The following SMCHD1 variants were observed in gnomAD, a reference collection of about 807,000 sequenced individuals.
The protein encoded by SMCHD1 is structural maintenance of chromosomes flexible hinge domain-containing protein 1.
A neutral mutation model predicts 254.7 loss-of-function variants in SMCHD1; 78 were observed. That is an observed-to-expected ratio of 0.31 (90% CI 0.26 to 0.37). The LOEUF is 0.37. Ranked by LOEUF, SMCHD1 falls within the 10% of genes least tolerant of loss-of-function variation. SMCHD1 has a pLI of 1.00. For synonymous variants in SMCHD1, 766 were observed against 794.9 expected (o/e 0.96, Z 0.61); for missense variants, 1,840 against 2,408.1 (o/e 0.76, Z 4.94).
chr18:2,733,043 A>C (rs1022763212), intron 25 of SMCHD1, among the ~76,000 whole-genome samples: 1 of 152,212 alleles, frequency 6.6e-6, no homozygotes, highest in Non-Finnish European at 1.5e-5. Flanking sequence ...GCATGTTGAA[A>C]CTTAACACCT....
At chr18:2,785,463 A>G (rs1238516446) in intron 45 of SMCHD1, among the ~76,000 whole-genome samples, 2 of 151,878 alleles carry the variant, frequency 1.3e-5, no homozygotes. Flanking sequence ...CTTGGCTAAC[A>G]CAGTGAAACC....
At chr18:2,706,504 A>T in intron 15 of SMCHD1, 34 bp downstream of exon 15, 1 of 1,432,532 alleles carries the variant, frequency 7.0e-7, no homozygotes, top group Non-Finnish European at 9.6e-7. Context: ...GACAAAAATA[A>T]GAAAAATTGG....
At chr18:2,687,717 T>C (rs1429229403) in intron 5 of SMCHD1, among the ~76,000 whole-genome samples, 2 of 152,224 alleles carry the variant, frequency 1.3e-5, no homozygotes, top group East Asian at 1.9e-4. Context: ...AACGCCACTT[T>C]GATATTTTCA....
At chr18:2,754,474 T>C (rs2075635494) in intron 34 of SMCHD1, among the ~76,000 whole-genome samples, 1 of 152,112 alleles carries the variant, frequency 6.6e-6, no homozygotes, top group Non-Finnish European at 1.5e-5. Flanking sequence ...AGTCACAGAG[T>C]ATGTGCTTAA....
intron 43 of SMCHD1, 107 bp downstream of exon 43, chr18:2,778,022 C>A: frequency 4.0e-6 from 4 of 1,007,174 alleles, no homozygotes; most frequent in South Asian, 3.5e-5. Flanking sequence ...GCTTATCAGT[C>A]ATAGTTTTAT....
chr18:2,678,208 C>T (rs1486719550), intron 5 of SMCHD1, among the ~76,000 whole-genome samples: 2 of 40,672 alleles, frequency 4.9e-5, no homozygotes, highest in Non-Finnish European at 2.1e-4. Flanking sequence ...TCTTTTCTTT[C>T]TTTTCTTTCT....
Position 2,703,909 on chromosome 18 carries a change from T to C in SMCHD1, c.1842+23T>C, listed in dbSNP as rs2074457289. On this transcript the variant is annotated intron_variant, in intron 13 of 47. Transcript: ENST00000320876. ...CTGGTAGGTTTAACTTATTGTCACTTTTTTCTTATAATTTTTAATTTAATT... is the reference window on the plus strand; with the variant it reads ...CTGGTAGGTTTAACTTATTGTCACTCTTTTCTTATAATTTTTAATTTAATT... 4 of 1,497,400 alleles carry C rather than the reference T, an allele frequency of 2.7e-6. No homozygotes were observed. In the African/African-American group the frequency reaches 4.3e-5, roughly 16 times the overall value. The allele number at this position is 1,497,400 out of a possible 1,614,324, so 92.8% of individuals were successfully genotyped here. A position where few individuals can be genotyped will look rare whatever the true frequency, so the allele number is the denominator to read the frequency against.
intron 24 of SMCHD1, among the ~76,000 whole-genome samples, chr18:2,730,406 G>A (rs149013711): frequency 0.027 from 4,149 of 152,148 alleles, 76 homozygotes; most frequent in Middle Eastern, 0.11. Context: ...TCCTGAGCTC[G>A]TGATCCACCC....
At chr18:2,781,915 C>T (rs887762643) in intron 44 of SMCHD1, among the ~76,000 whole-genome samples, 32 of 151,904 alleles carry the variant, frequency 2.1e-4, no homozygotes, top group African/African-American at 7.7e-4. Context: ...AAGAGGAGAG[C>T]GTTTATAAAA....
Position 2,674,236 on chromosome 18 carries a change from T to C in SMCHD1, c.638+91T>C, listed in dbSNP as rs1013785474. 5.7e-5 allele frequency: 60 copies of C among 1,053,218 alleles called. 1 individual carries two copies. The highest frequency in any genetic ancestry group is 7.5e-5 in the Non-Finnish European group (57 of 755,048). The allele number at this position is 1,053,218 out of a possible 1,614,324, so 65.2% of individuals were successfully genotyped here. A position where few individuals can be genotyped will look rare whatever the true frequency, so the allele number is the denominator to read the frequency against. ...TATGCCTTTGGATGCATATGATACA[T>C]TGGAGGTTTTACTGTTATTCACATA... On this transcript the variant is annotated intron_variant, in intron 5 of 47. Coordinates refer to ENST00000320876, the MANE Select transcript of SMCHD1 (RefSeq NM_015295.3).
chr18:2,708,124 A>AT (rs1445341310), intron 17 of SMCHD1, among the ~76,000 whole-genome samples: 1 of 152,132 alleles, frequency 6.6e-6, no homozygotes, highest in South Asian at 2.1e-4. Context: ...TTCATCTTGA[A>AT]TTTTTTCATG....
chr18:2,656,791 G>C (rs628228), intron 1 of SMCHD1, among the ~76,000 whole-genome samples: 2 of 152,208 alleles, frequency 1.3e-5, no homozygotes, highest in East Asian at 3.9e-4. Flanking sequence ...CTTCTGGGGC[G>C]GGGCGGCGGG....
At chr18:2,677,880 A>T (rs990702224) in intron 5 of SMCHD1, among the ~76,000 whole-genome samples, 2 of 152,062 alleles carry the variant, frequency 1.3e-5, no homozygotes, top group African/African-American at 4.8e-5. Context: ...CAGCCTCCCA[A>T]AGTGCTGGGA....
chr18:2,730,107 G>A (rs1360147635), intron 24 of SMCHD1, among the ~76,000 whole-genome samples: 1 of 152,036 alleles, frequency 6.6e-6, no homozygotes, highest in Non-Finnish European at 1.5e-5. Context: ...TTTAATTTTT[G>A]TATGTAATTT....
chr18:2,778,092 C>G, intron 43 of SMCHD1, 77 bp from the exon 44 acceptor site: 2 of 1,157,296 alleles, frequency 1.7e-6, no homozygotes, highest in Non-Finnish European at 2.5e-6. Flanking sequence ...CAAAGAAAGA[C>G]TTGCAATGTG....
At position 2,743,781 on chromosome 18, in the gene SMCHD1, T is replaced by C. The variant is rs1346924634; in HGVS notation, c.3654T>C (p.Ser1218=). 2.5e-6 allele frequency: 4 copies of C among 1,612,592 alleles called. No individual in the cohort carries two copies. The highest frequency in any genetic ancestry group is 2.5e-6 in the Non-Finnish European group (3 of 1,179,262). Residue 1218 remains serine (S), a synonymous_variant, in exon 29 of 48, where the codon AGT becomes AGC. Transcript: ENST00000320876. ...TTFQENTQSI[S]VRGIKFIPGP... is the part of the protein sequence containing the mutation. ...ACTAGGAAAACACACAGAGTATAAG[T>C]GTAAGAGGCATCAAATTTATTCCAG...
At position 2,724,991 on chromosome 18, in the gene SMCHD1, G is replaced by T; in HGVS notation, c.2696G>T (p.Gly899Val). Residue 899 changes from glycine (G) to valine (V), a missense_variant, in exon 21 of 48, where the codon GGC becomes GTC. Gly to Val is a moderately radical substitution (Grantham distance 109). Coordinates refer to ENST00000320876, the MANE Select transcript of SMCHD1 (RefSeq NM_015295.3). ...AAGGGCCCTGTAAACTCTTGTCAAG[G>T]CAAGGTAAGCATTATGTATAGATCC... Reference protein sequence around the residue: ...TAKGPVNSCQGKNYNLKVTLP... With the variant: ...TAKGPVNSCQVKNYNLKVTLP... The T allele has an allele frequency of 6.4e-7, 1 of 1,558,144 alleles. No homozygotes were observed. Among genetic ancestry groups the T allele is most frequent in the Non-Finnish European group, 8.8e-7 (1 of 1,141,352 alleles).
intron 22 of SMCHD1, among the ~76,000 whole-genome samples, chr18:2,727,853 ATAC>A (rs1347066243): frequency 2.6e-5 from 4 of 152,090 alleles, no homozygotes; most frequent in Non-Finnish European, 4.4e-5. Context: ...TTCTCTCCAT[ATAC>A]TTGTTATCAG....
In SMCHD1 at chr18:2,770,039, T is replaced by G. The variant is rs1225482238; in HGVS notation, c.4897T>G (p.Leu1633Val). 6.2e-7 allele frequency: 1 copy of G among 1,603,006 alleles called. No homozygotes were observed. Among genetic ancestry groups the G allele is most frequent in the Admixed American group, 1.8e-5 (1 of 56,892 alleles). The change falls in exon 39 of 48, where the codon TTA (leucine) becomes GTA (valine). Residue 1633 changes from leucine (L) to valine (V), a missense_variant. Transcript: ENST00000320876. ...AGCACTTACAAAAGAAAAGGACCAA[T>G]TATCTCAGTCTATTGTTATGTATAA... The part of the protein sequence containing the change: ...MAALTKEKDQ[L>V]SQSIVMYKSL...
Sources: gnomAD v4.1 joint callset for allele counts (sites outside exome capture counted in the v4.1 genomes callset) on GRCh38, gnomAD v4.1.1 for gene constraint, MANE v1.5 for transcripts, NCBI Gene and HGNC (gene_info 2026-07-23, HGNC 2026-07-21) for gene names.